Variants in RUNX1T1 observed in about 807,000 individuals in gnomAD.
RUNX1T1 encodes protein CBFA2T1.
RUNX1T1 carries 4 observed loss-of-function variants against 62.8 expected under a neutral mutation model. The ratio of observed to expected loss-of-function variants is 0.06; its 90% CI spans 0.03 to 0.15. RUNX1T1 has a LOEUF of 0.15. Ranked by LOEUF, RUNX1T1 falls within the 10% of genes least tolerant of loss-of-function variation. The pLI is 1.00. For missense variants in RUNX1T1, 508 were observed against 754.3 expected, an observed-to-expected ratio of 0.67 and a Z score of 3.82; for synonymous variants, 291 against 286.0, an observed-to-expected ratio of 1.02 and a Z score of -0.18.
In RUNX1T1 at chr8:91,975,202, T is replaced by A. The variant is rs936219739; in HGVS notation, c.1267+703A>T. ...GCTTGCTAGGTGGTTCCACCAAAAT[T>A]CTCACAGATCTGGACTTCTTTAAGC... is the stretch of plus-strand genomic sequence containing the variant. On this transcript the variant is annotated intron_variant, in intron 9 of 10. Transcript: ENST00000396218. Among the ~76,000 whole-genome samples the A allele has an allele frequency of 2.0e-5, 3 of 152,326 alleles. 1 individual carries two copies. Among genetic ancestry groups the A allele is most frequent in the Admixed American group, 6.5e-5 (1 of 15,302 alleles).
chr8:92,017,492 T>C lies in RUNX1T1; in HGVS notation c.8-129A>G, dbSNP rs928707106. ...ATCTTCTATCAATAAAATACACTTA[T>C]CTACTGACGTTTAAATCAGGATTTT... On this transcript the variant is annotated intron_variant, in intron 1 of 10. Transcript: ENST00000396218. 9.7e-6 allele frequency: 15 copies of C among 1,545,978 alleles called. No homozygotes were observed. The South Asian group carries it at 1.3e-4, about 14-fold the overall frequency.
In RUNX1T1 at chr8:92,024,497, C is replaced by CAAAAAAAAAAAA. The variant is rs34547904; in HGVS notation, c.8-7146_8-7135dup. On this transcript the variant is annotated intron_variant, in intron 1 of 10. Transcript: ENST00000396218. The stretch of plus-strand genomic sequence containing the variant: ...GGGGTAACAGAGTGAAACCCCAACT[C>CAAAAAAAAAAAA]AAAAAAAAAAAAAAAAAAAAAAAAA... Among the ~76,000 whole-genome samples the CAAAAAAAAAAAA allele has an allele frequency of 9.1e-4, 16 of 17,544 alleles. 3 individuals are homozygous for CAAAAAAAAAAAA. Among genetic ancestry groups the CAAAAAAAAAAAA allele is most frequent in the African/African-American group, 1.4e-3 (8 of 5,614 alleles). The allele number at this position is 17,544 out of a possible 152,430, so 11.5% of individuals were successfully genotyped here.
At chr8:92,102,184 C>G (rs528462694), upstream of RUNX1T1, among the ~76,000 whole-genome samples, 1 of 152,140 alleles carries the variant, frequency 6.6e-6, no homozygotes, top group Non-Finnish European at 1.5e-5. This position sits in a 1 kb window ranked among gnomAD's most constrained non-coding sequence, Gnocchi z 4.5. Flanking sequence ...CCGGGACCAG[C>G]CTCGGGCGGG....
intron 9 of RUNX1T1, among the ~76,000 whole-genome samples, chr8:91,975,384 G>A (rs1304493184): frequency 2.6e-5 from 4 of 151,954 alleles, no homozygotes; most frequent in African/African-American, 7.3e-5. Flanking sequence ...AGCTCTGATC[G>A]TTGAATACTA....
intron 8 of RUNX1T1, chr8:91,976,193 T>G: frequency 2.0e-6 from 1 of 509,322 alleles, no homozygotes; most frequent in Non-Finnish European, 3.5e-6. Flanking sequence ...CTAAATGCCA[T>G]GCATGCTCAA....
At chr8:92,055,030 T>A (rs28602393) in intron 1 of RUNX1T1, among the ~76,000 whole-genome samples, 188 of 151,926 alleles carry the variant, frequency 1.2e-3, no homozygotes, top group African/African-American at 4.4e-3. Context: ...ATTAAAAAAA[T>A]AAAAAAATAC....
At chr8:91,986,950 T>G (rs776979334) in exon 7 of RUNX1T1, 1 of 1,612,632 alleles carries the variant, frequency 6.2e-7, no homozygotes. Flanking sequence ...CAATCATTTC[T>G]TCTTGACGTG....
At chr8:91,984,998 C>T (rs1816249259) in intron 8 of RUNX1T1, among the ~76,000 whole-genome samples, 1 of 152,016 alleles carries the variant, frequency 6.6e-6, no homozygotes. Flanking sequence ...AACCTAAGTG[C>T]ATAGGAAACT....
In RUNX1T1 at chr8:92,035,209, C is replaced by T. The variant is rs371466827; in HGVS notation, c.8-17846G>A. 3.9e-4 allele frequency among the ~76,000 whole-genome samples: 59 copies of T among 151,484 alleles called. 1 individual carries two copies. The South Asian group carries it at 0.012, about 31-fold the overall frequency. On this transcript the variant is annotated intron_variant, in intron 1 of 10. Transcript: ENST00000396218. ...ACTTGGGAGGCTGAGGCAGGAGAAT[C>T]GCTTGAACCCGGGAAGCAGAGGTTG...
chr8:91,986,966 T>C, exon 7 of RUNX1T1: 4 of 1,609,164 alleles, frequency 2.5e-6, no homozygotes, highest in Non-Finnish European at 3.4e-6. Context: ...ACGTGTGCCA[T>C]GCAACCCTAC....
At position 91,983,293 on chromosome 8, in the gene RUNX1T1, T is replaced by C. The variant is rs192948984; in HGVS notation, c.1198+2831A>G. On this transcript the variant is annotated intron_variant, in intron 8 of 10. Transcript: ENST00000396218. The stretch of plus-strand genomic sequence containing the variant: ...ATCGAGTTATTTTACTAACCCCCTA[T>C]ACTCACTCAATACTACAGATATATT... Among the ~76,000 whole-genome samples the C allele has an allele frequency of 1.1e-3, 160 of 152,232 alleles. 3 individuals carry two copies. The highest frequency in any genetic ancestry group is 5.9e-3 in the Admixed American group (90 of 15,290).
intron 2 of RUNX1T1, among the ~76,000 whole-genome samples, chr8:92,071,809 G>A (rs1486115351): frequency 6.6e-6 from 1 of 152,208 alleles, no homozygotes; most frequent in East Asian, 1.9e-4. Flanking sequence ...CCGAAGCTGC[G>A]GCTCCATGGT....
At chr8:91,956,238 G>C (rs1415568728), downstream of RUNX1T1, 2 of 231,656 alleles carry the variant, frequency 8.6e-6, no homozygotes, top group Non-Finnish European at 1.7e-5. Flanking sequence ...CTTTCCTATG[G>C]AAGGTAGTAA....
intron 5 of RUNX1T1, among the ~76,000 whole-genome samples, chr8:91,998,151 G>T (rs997905160): frequency 6.6e-6 from 1 of 152,104 alleles, no homozygotes; most frequent in Non-Finnish European, 1.5e-5. Context: ...TTCAGCAAAA[G>T]ATCTCTTCAG....
At position 91,982,601 on chromosome 8, in the gene RUNX1T1, T is replaced by C. The variant is rs1174603494; in HGVS notation, c.1198+3523A>G. On this transcript the variant is annotated intron_variant, in intron 8 of 10. Coordinates refer to ENST00000396218, the Ensembl canonical transcript of RUNX1T1. ...CATTATCTTGCTCTTCTGTGGAGCA[T>C]ACCATGTAATAAAACTTAAATGTAT... 2.0e-5 allele frequency among the ~76,000 whole-genome samples: 3 copies of C among 152,192 alleles called. No individual in the cohort carries two copies. In the East Asian group the frequency reaches 5.8e-4, roughly 29 times the overall value.
chr8:92,013,996 TG>T (rs775059126), intron 3 of RUNX1T1, among the ~76,000 whole-genome samples: 3 of 152,250 alleles, frequency 2.0e-5, no homozygotes, highest in Non-Finnish European at 2.9e-5. Context: ...GCCACCAAAC[TG>T]TACACTTAAA....
At chr8:92,054,099 T>C (rs1830639438) in intron 1 of RUNX1T1, among the ~76,000 whole-genome samples, 2 of 149,164 alleles carry the variant, frequency 1.3e-5, no homozygotes, top group South Asian at 4.2e-4. Context: ...ATGCCACAAA[T>C]TAAAAGTGCC....
At chr8:91,995,028 C>T (rs920545857) in intron 5 of RUNX1T1, among the ~76,000 whole-genome samples, 56 of 152,278 alleles carry the variant, frequency 3.7e-4, no homozygotes, top group African/African-American at 1.3e-3. Flanking sequence ...TTGGTTTGAA[C>T]AATTTATTAT....
At chr8:92,100,426 GAACA>G (rs1248356283), upstream of RUNX1T1, among the ~76,000 whole-genome samples, 4 of 152,070 alleles carry the variant, frequency 2.6e-5, no homozygotes, top group Non-Finnish European at 4.4e-5. Flanking sequence ...ATTAATGACT[GAACA>G]AAAATATTTA....
Sources: allele counts gnomAD v4.1 joint callset (sites outside exome capture counted in the v4.1 genomes callset), GRCh38; gene constraint gnomAD v4.1.1; non-coding constraint Gnocchi (gnomAD v3.1); transcripts MANE v1.5; gene names NCBI Gene and HGNC (gene_info 2026-07-23, HGNC 2026-07-21).